The following FAM200B variants were observed in gnomAD, a reference collection of about 807,000 sequenced individuals.
FAM200B encodes the protein zinc finger BED-type containing 11.
Under a neutral mutation model 33.1 loss-of-function variants are expected in FAM200B, and 32 were observed. That is an observed-to-expected ratio of 0.97 (90% CI 0.73 to 1.30). The LOEUF is 1.30. Ranked by LOEUF, FAM200B falls within the 50% of genes most tolerant of loss-of-function variation. FAM200B has a pLI of 0.00. For synonymous variants in FAM200B, 240 were observed against 264.8 expected (o/e 0.91, Z 0.91); for missense variants, 741 against 754.0 (o/e 0.98, Z 0.20).
At chr4:15,675,247 A>G in the FAM200B span, among the ~76,000 whole-genome samples, 2 of 152,178 alleles carry the variant, frequency 1.3e-5, no homozygotes, top group South Asian at 4.1e-4. Flanking sequence ...TTTTCTTCAA[A>G]TTAAGATTAA....
chr4:15,645,149 T>C, the FAM200B span, among the ~76,000 whole-genome samples: 1 of 152,054 alleles, frequency 6.6e-6, no homozygotes, highest in Non-Finnish European at 1.5e-5. Flanking sequence ...CTTTCTAAAG[T>C]ATCTAGTATT....
the FAM200B span, chr4:15,641,567 G>A: frequency 2.2e-6 from 1 of 455,806 alleles, no homozygotes. Flanking sequence ...TATAATACAT[G>A]AAATAATTGT....
chr4:15,655,413 C>G, the FAM200B span: 5 of 1,004,932 alleles, frequency 5.0e-6, no homozygotes, highest in South Asian at 1.9e-4. Flanking sequence ...CGCGCCCGGT[C>G]GGCTTGGCCG....
chr4:15,655,325 G>C, the FAM200B span: 2 of 1,351,634 alleles, frequency 1.5e-6, no homozygotes, highest in Admixed American at 2.4e-5. Context: ...AGCCGCGGCC[G>C]CCGCCTCTCC....
chr4:15,655,412 T>A, the FAM200B span: 2 of 991,240 alleles, frequency 2.0e-6, no homozygotes, highest in African/African-American at 3.7e-5. Context: ...GCGCGCCCGG[T>A]CGGCTTGGCC....
chr4:15,664,549 CCTTT>C, the FAM200B span, among the ~76,000 whole-genome samples: 1 of 127,520 alleles, frequency 7.8e-6, no homozygotes, highest in South Asian at 2.6e-4. Flanking sequence ...GGGCCCTCAT[CCTTT>C]TTTTTTTTTT....
At chr4:15,677,279 T>C (rs1718029482), upstream of FAM200B, among the ~76,000 whole-genome samples, 1 of 152,210 alleles carries the variant, frequency 6.6e-6, no homozygotes, top group Admixed American at 6.5e-5. Context: ...AAAAATATAT[T>C]TATTCTTTGT....
the FAM200B span, chr4:15,638,386 T>A: frequency 1.2e-5 from 7 of 561,370 alleles, no homozygotes; most frequent in East Asian, 2.3e-4. Context: ...AAATAATGCC[T>A]TTAACTGACC....
chr4:15,660,371 C>T, the FAM200B span, among the ~76,000 whole-genome samples: 9 of 152,200 alleles, frequency 5.9e-5, no homozygotes, highest in Admixed American at 3.9e-4. Context: ...CATGAGCCGC[C>T]GCACCCAGCC....
chr4:15,661,168 A>G, the FAM200B span, among the ~76,000 whole-genome samples: 1 of 152,166 alleles, frequency 6.6e-6, no homozygotes, highest in East Asian at 1.9e-4. Flanking sequence ...ACTTTCCCTA[A>G]AATGTCTCTA....
the FAM200B span, among the ~76,000 whole-genome samples, chr4:15,647,747 G>T: frequency 9.2e-5 from 14 of 152,346 alleles, no homozygotes; most frequent in African/African-American, 3.1e-4. Context: ...TCTAGGGCAA[G>T]ATTGCCTAGG....
At position 15,688,375 on chromosome 4, in the gene FAM200B, A is replaced by C. The variant is rs1233499948; in HGVS notation, c.1398A>C (p.Thr466=). ...AACGTATCCAGGGATTTCGAAAGAC[A>C]TTATTGTTATGGCAAGTAAGACTTA... ...HVERIQGFRK[T]LLLWQVRLKS... Residue 466 remains threonine, a synonymous_variant, in exon 2 of 2, where the codon ACA becomes ACC. Transcript: ENST00000422728. 11 of 1,549,938 alleles carry C rather than the reference A, an allele frequency of 7.1e-6. No homozygotes were observed.
the FAM200B span, among the ~76,000 whole-genome samples, chr4:15,673,432 C>A: frequency 1.3e-5 from 2 of 152,014 alleles, no homozygotes; most frequent in East Asian, 3.8e-4. Flanking sequence ...CAGAGTGAGA[C>A]CTCATCTCAA....
the FAM200B span, among the ~76,000 whole-genome samples, chr4:15,643,472 C>T: frequency 4.1e-4 from 62 of 152,310 alleles, no homozygotes; most frequent in South Asian, 3.9e-3. Context: ...CTAAACTATA[C>T]CCAGTAATAT....
chr4:15,680,716 T>A (rs1259768761), upstream of FAM200B, among the ~76,000 whole-genome samples: 1 of 151,962 alleles, frequency 6.6e-6, no homozygotes, highest in Non-Finnish European at 1.5e-5. Flanking sequence ...ATCAAAAATT[T>A]TTAAAAATTT....
chr4:15,657,430 CTGTT>C, the FAM200B span, among the ~76,000 whole-genome samples: 2 of 152,322 alleles, frequency 1.3e-5, no homozygotes, highest in South Asian at 2.1e-4. Flanking sequence ...GTCCAATCAA[CTGTT>C]TGTGTCTGTG....
the FAM200B span, among the ~76,000 whole-genome samples, chr4:15,667,982 G>A: frequency 1.5e-4 from 23 of 151,398 alleles, no homozygotes; most frequent in Admixed American, 5.3e-4. Context: ...TGGAGGTTGC[G>A]GTGAGCCAAG....
At chr4:15,685,450 G>A (rs1718749855) in intron 1 of FAM200B, among the ~76,000 whole-genome samples, 1 of 152,148 alleles carries the variant, frequency 6.6e-6, no homozygotes, top group East Asian at 1.9e-4. Context: ...CCGACTTCGG[G>A]CGTAGGGGAT....
At chr4:15,640,948 G>A in the FAM200B span, 12 of 864,460 alleles carry the variant, frequency 1.4e-5, no homozygotes, top group South Asian at 4.0e-5. Context: ...TCTGGTCCCA[G>A]GAAGTTTAAA....
Sources: gnomAD v4.1 joint callset for allele counts (sites outside exome capture counted in the v4.1 genomes callset) on GRCh38, gnomAD v4.1.1 for gene constraint, MANE v1.5 for transcripts, NCBI Gene and HGNC (gene_info 2026-07-23, HGNC 2026-07-21) for gene names.